MAP7: variants seen among roughly 807,000 people sequenced by gnomAD.
MAP7 encodes ensconsin.
A neutral mutation model predicts 94.8 loss-of-function variants in MAP7; 52 were observed. The observed-to-expected ratio is 0.55, with a 90% CI of 0.44 to 0.69. The LOEUF (loss-of-function observed/expected upper bound fraction) is 0.69. Among genes scored for constraint, MAP7 ranks in the 30% least tolerant of loss-of-function variants. The pLI is 0.00. For missense variants in MAP7, 940 were observed against 964.6 expected, an observed-to-expected ratio of 0.97 and a Z score of 0.34; for synonymous variants, 350 against 357.0, an observed-to-expected ratio of 0.98 and a Z score of 0.22.
At chr6:136,522,934 T>C (rs1404908246) in intron 1 of MAP7, among the ~76,000 whole-genome samples, 2 of 152,010 alleles carry the variant, frequency 1.3e-5, no homozygotes, top group East Asian at 1.9e-4. Flanking sequence ...ATTAAGGAGG[T>C]TGAGGCAGGA....
chr6:136,395,288 A>AT (rs1399849099), intron 3 of MAP7, among the ~76,000 whole-genome samples: 3 of 150,568 alleles, frequency 2.0e-5, no homozygotes, highest in Non-Finnish European at 4.4e-5. Context: ...TCTCATTGTG[A>AT]TTTTGATTTG....
chr6:136,532,122 G>T (rs769496593), intron 1 of MAP7, among the ~76,000 whole-genome samples: 9 of 152,114 alleles, frequency 5.9e-5, no homozygotes, highest in Non-Finnish European at 1.2e-4. Context: ...TACCCAAGCT[G>T]CCCCAGAAAC....
intron 1 of MAP7, among the ~76,000 whole-genome samples, chr6:136,448,020 T>C (rs1210744440): frequency 6.6e-6 from 1 of 151,904 alleles, no homozygotes; most frequent in Non-Finnish European, 1.5e-5. Flanking sequence ...TGAAACCCCA[T>C]CTCTACTAAA....
At chr6:136,474,041 GT>G in intron 1 of MAP7, among the ~76,000 whole-genome samples, 1 of 152,208 alleles carries the variant, frequency 6.6e-6, no homozygotes. Flanking sequence ...AGCAGTACAG[GT>G]TAAGGAGGAC....
intron 1 of MAP7, among the ~76,000 whole-genome samples, chr6:136,496,412 A>G (rs1411074236): frequency 2.6e-5 from 4 of 151,190 alleles, no homozygotes; most frequent in Admixed American, 2.6e-4. Context: ...CACTCAACAA[A>G]CAATGGGGAA....
intron 1 of MAP7, among the ~76,000 whole-genome samples, chr6:136,430,333 T>C (rs1010118973): frequency 2.6e-5 from 4 of 152,330 alleles, no homozygotes; most frequent in Non-Finnish European, 4.4e-5. Flanking sequence ...ATGATTACTA[T>C]TGGCCATGAA....
chr6:136,405,748 A>C (rs1383056488), intron 3 of MAP7, among the ~76,000 whole-genome samples: 2 of 152,190 alleles, frequency 1.3e-5, no homozygotes, highest in Non-Finnish European at 2.9e-5. Context: ...ATCCGGGTGA[A>C]AGATCTAGCT....
intron 1 of MAP7, among the ~76,000 whole-genome samples, chr6:136,513,674 G>C (rs970774506): frequency 4.6e-5 from 7 of 152,136 alleles, no homozygotes; most frequent in African/African-American, 1.4e-4. Flanking sequence ...AGTATACCCT[G>C]AGAATGACCC....
chr6:136,527,438 C>G (rs1828068885), intron 1 of MAP7, among the ~76,000 whole-genome samples: 1 of 152,188 alleles, frequency 6.6e-6, no homozygotes, highest in Non-Finnish European at 1.5e-5. Context: ...TTTCTCAGTA[C>G]TTAAACCTAC....
chr6:136,539,287 A>G (rs1000249449), intron 1 of MAP7, among the ~76,000 whole-genome samples: 1 of 152,216 alleles, frequency 6.6e-6, no homozygotes, highest in Non-Finnish European at 1.5e-5. Flanking sequence ...GAATGCTTAC[A>G]TGACATGCCC....
rs1000365418 is a variant in MAP7 at position 136,347,974 on chromosome 6, A to C, written c.2016-1895T>G. Among the ~76,000 whole-genome samples the C allele has an allele frequency of 1.1e-3, 174 of 152,094 alleles. 4 individuals carry two copies. Among genetic ancestry groups the C allele is most frequent in the Non-Finnish European group, 2.1e-4 (14 of 67,996 alleles). ...GAAGGGAATGCCACTAGGCATTATA[A>C]GTCTCCACAAGAGTACAGTCACACA... On this transcript the variant is annotated intron_variant, in intron 16 of 17. Coordinates refer to ENST00000354570, the MANE Select transcript of MAP7 (RefSeq NM_003980.6).
At chr6:136,377,472 G>A (rs1174538954) in intron 7 of MAP7, among the ~76,000 whole-genome samples, 1 of 152,222 alleles carries the variant, frequency 6.6e-6, no homozygotes, top group Non-Finnish European at 1.5e-5. Context: ...AGGCAGGGAA[G>A]GAATACTTTC....
chr6:136,435,427 T>G (rs988234486), intron 1 of MAP7, among the ~76,000 whole-genome samples: 1 of 152,228 alleles, frequency 6.6e-6, no homozygotes, highest in Non-Finnish European at 1.5e-5. Flanking sequence ...TCTAAAGAAC[T>G]GTCTGAGCTT....
chr6:136,349,031 GA>G (rs1788432558), intron 16 of MAP7, among the ~76,000 whole-genome samples: 1 of 152,128 alleles, frequency 6.6e-6, no homozygotes, highest in African/African-American at 2.4e-5. Flanking sequence ...AATGACCTGA[GA>G]AACTGCAGAT....
intron 1 of MAP7, among the ~76,000 whole-genome samples, chr6:136,481,583 T>C (rs1458841626): frequency 2.0e-5 from 3 of 152,046 alleles, no homozygotes; most frequent in Non-Finnish European, 4.4e-5. Flanking sequence ...CAGAGATAAA[T>C]GGTAGGATGA....
intron 2 of MAP7, among the ~76,000 whole-genome samples, chr6:136,414,369 A>G (rs1299109340): frequency 7.1e-6 from 1 of 141,300 alleles, no homozygotes; most frequent in African/African-American, 2.6e-5. Flanking sequence ...CATATTTTTT[A>G]TGTAGGAAAA....
intron 1 of MAP7, among the ~76,000 whole-genome samples, chr6:136,525,216 T>C (rs1028651625): frequency 5.9e-5 from 9 of 152,220 alleles, no homozygotes; most frequent in African/African-American, 2.2e-4. Flanking sequence ...GCATTTCAAC[T>C]GCCATACACG....
intron 3 of MAP7, among the ~76,000 whole-genome samples, chr6:136,394,931 C>CATACAT (rs1781886975): frequency 3.6e-5 from 1 of 27,494 alleles, no homozygotes; most frequent in Non-Finnish European, 9.2e-5. Context: ...AATATTCCAT[C>CATACAT]ATATATATAT....
Position 136,362,478 on chromosome 6 carries a change from C to T in MAP7, c.1498G>A (p.Glu500Lys). Residue 500 changes from glutamate (E) to lysine (K), a missense_variant, in exon 11 of 18, where the codon GAG (glutamate) becomes AAG (lysine). Physicochemically the swap from Glu to Lys is moderately conservative, Grantham distance 56 (BLOSUM62 1). Transcript: ENST00000354570. Reference protein sequence around the residue: ...AREQREKEERERREQEELERQ... With the variant: ...AREQREKEERKRREQEELERQ... ...TCAAGCTCTTCCTGCTCCCTCCTCT[C>T]CCTTTCTTCCTTTTCTCTCTGCTCT... 1.2e-6 allele frequency: 2 copies of T among 1,614,184 alleles called. 1 individual carries two copies. The highest frequency in any genetic ancestry group is 1.7e-6 in the Non-Finnish European group (2 of 1,180,034).
Sources: allele counts gnomAD v4.1 joint callset (sites outside exome capture counted in the v4.1 genomes callset), GRCh38; gene constraint gnomAD v4.1.1; transcripts MANE v1.5; gene names NCBI Gene and HGNC (gene_info 2026-07-23, HGNC 2026-07-21).